Variants in SGIP1 observed in about 807,000 individuals in gnomAD.
SGIP1 encodes the protein SH3-containing GRB2-like protein 3-interacting protein 1.
A neutral mutation model predicts 107.5 loss-of-function variants in SGIP1; 38 were observed. The ratio of observed to expected loss-of-function variants is 0.35; its 90% CI spans 0.27 to 0.46. The LOEUF is 0.46. SGIP1 is among the 20% of genes least tolerant of loss of function. The pLI, the probability that SGIP1 is intolerant of heterozygous loss-of-function variation, is 1.00. For missense variants in SGIP1, 929 were observed against 1,019.5 expected, an observed-to-expected ratio of 0.91 and a Z score of 1.21; for synonymous variants, 365 against 366.1, an observed-to-expected ratio of 1.00 and a Z score of 0.03.
At chr1:66,583,582 C>A (rs930661297) in intron 1 of SGIP1, among the ~76,000 whole-genome samples, 1 of 152,072 alleles carries the variant, frequency 6.6e-6, no homozygotes, top group African/African-American at 2.4e-5. Flanking sequence ...GCCCAAATAC[C>A]CTTTCATTAG....
intron 1 of SGIP1, among the ~76,000 whole-genome samples, chr1:66,562,682 G>T (rs1400431853): frequency 6.6e-6 from 1 of 152,042 alleles, no homozygotes; most frequent in Non-Finnish European, 1.5e-5. Context: ...CTTAGATGTG[G>T]AAAACTTGCC....
At chr1:66,661,700 T>G (rs2081514801) in intron 8 of SGIP1, among the ~76,000 whole-genome samples, 1 of 152,202 alleles carries the variant, frequency 6.6e-6, no homozygotes, top group Admixed American at 6.5e-5. Context: ...CCAATTTCAT[T>G]TATTCTTGTA....
At chr1:66,714,805 C>G (rs1325154068) in intron 18 of SGIP1, among the ~76,000 whole-genome samples, 1 of 152,066 alleles carries the variant, frequency 6.6e-6, no homozygotes, top group African/African-American at 2.4e-5. Flanking sequence ...TCCAGAGTCG[C>G]TGTCTGTTAA....
intron 18 of SGIP1, among the ~76,000 whole-genome samples, chr1:66,703,876 G>GAGTGTA (rs200637279): frequency 9.4e-6 from 1 of 106,886 alleles, no homozygotes; most frequent in Admixed American, 1.1e-4. Flanking sequence ...AAAGAACTCT[G>GAGTGTA]TGTGTGTGTG....
intron 1 of SGIP1, among the ~76,000 whole-genome samples, chr1:66,552,822 C>A (rs2057618398): frequency 6.6e-6 from 1 of 152,086 alleles, no homozygotes; most frequent in Admixed American, 6.5e-5. Flanking sequence ...AGGTAATTTA[C>A]ATCAGGAAAT....
chr1:66,663,135 C>T (rs761158911), intron 8 of SGIP1, among the ~76,000 whole-genome samples: 11 of 152,234 alleles, frequency 7.2e-5, no homozygotes, highest in East Asian at 5.8e-4. Flanking sequence ...CACATTCTCA[C>T]GTGGCGCACA....
At chr1:66,622,274 A>G (rs765748998) in intron 1 of SGIP1, among the ~76,000 whole-genome samples, 2 of 152,206 alleles carry the variant, frequency 1.3e-5, no homozygotes, top group Non-Finnish European at 2.9e-5. Flanking sequence ...ACTTTAGGGA[A>G]AAATACCACC....
chr1:66,605,124 C>T (rs2149074625), intron 1 of SGIP1, among the ~76,000 whole-genome samples: 1 of 152,284 alleles, frequency 6.6e-6, no homozygotes, highest in South Asian at 2.1e-4. Context: ...AAGCCACTTC[C>T]ATGGAACAAA....
At chr1:66,645,202 A>G (rs1461435159) in intron 7 of SGIP1, among the ~76,000 whole-genome samples, 1 of 152,220 alleles carries the variant, frequency 6.6e-6, no homozygotes, top group Non-Finnish European at 1.5e-5. Flanking sequence ...CAGAGGATTA[A>G]GTGAACACAT....
At chr1:66,558,987 C>A (rs973284021) in intron 1 of SGIP1, among the ~76,000 whole-genome samples, 2 of 151,944 alleles carry the variant, frequency 1.3e-5, no homozygotes, top group Non-Finnish European at 2.9e-5. Flanking sequence ...AACTTCCATG[C>A]CCTTTATTTC....
chr1:66,621,417 A>G (rs972868548), intron 1 of SGIP1, among the ~76,000 whole-genome samples: 9 of 152,174 alleles, frequency 5.9e-5, no homozygotes, highest in African/African-American at 2.2e-4. Flanking sequence ...GGCTTGAACT[A>G]TTCCATTTCT....
intron 1 of SGIP1, among the ~76,000 whole-genome samples, chr1:66,548,197 G>A (rs962668216): frequency 6.6e-6 from 1 of 152,140 alleles, no homozygotes; most frequent in African/African-American, 2.4e-5. Context: ...GACTTTAGTA[G>A]CTACAGATGG....
At chr1:66,663,469 T>G (rs1429678613) in intron 8 of SGIP1, among the ~76,000 whole-genome samples, 1 of 152,136 alleles carries the variant, frequency 6.6e-6, no homozygotes, top group Non-Finnish European at 1.5e-5. Context: ...TGATAATAAT[T>G]TTTCTGTCCT....
intron 1 of SGIP1, among the ~76,000 whole-genome samples, chr1:66,549,697 A>T (rs186716987): frequency 5.9e-5 from 9 of 152,284 alleles, no homozygotes; most frequent in Admixed American, 1.3e-4. Context: ...CTACAAGATG[A>T]TACCAAAATG....
At chr1:66,553,972 G>A (rs972513615) in intron 1 of SGIP1, among the ~76,000 whole-genome samples, 2 of 152,112 alleles carry the variant, frequency 1.3e-5, no homozygotes, top group Non-Finnish European at 1.5e-5. Context: ...GGATGTGTCT[G>A]GACAGGCCTC....
chr1:66,559,031 G>A (rs1056013928), intron 1 of SGIP1, among the ~76,000 whole-genome samples: 1 of 152,032 alleles, frequency 6.6e-6, no homozygotes, highest in Non-Finnish European at 1.5e-5. Flanking sequence ...AGGATGCTAA[G>A]CAAACTTGAA....
chr1:66,630,920 G>GAGGA (rs1298382662), intron 2 of SGIP1, among the ~76,000 whole-genome samples: 3 of 53,526 alleles, frequency 5.6e-5, no homozygotes, highest in Middle Eastern at 8.2e-3. Flanking sequence ...GGGAGGGAGG[G>GAGGA]AGGAAGGAAG....
intron 8 of SGIP1, among the ~76,000 whole-genome samples, chr1:66,663,604 CT>C (rs1185732627): frequency 1.1e-4 from 16 of 151,964 alleles, no homozygotes; most frequent in Admixed American, 9.2e-4. Context: ...AATTATAGAC[CT>C]TGAGGCTTTC....
intron 1 of SGIP1, among the ~76,000 whole-genome samples, chr1:66,605,498 C>T (rs2066643678): frequency 6.6e-6 from 1 of 151,836 alleles, no homozygotes; most frequent in African/African-American, 2.4e-5. Context: ...AACCTGGATA[C>T]TTGAATTAAG....
Sources: gnomAD v4.1 joint callset for allele counts (sites outside exome capture counted in the v4.1 genomes callset) on GRCh38, gnomAD v4.1.1 for gene constraint, MANE v1.5 for transcripts, NCBI Gene and HGNC (gene_info 2026-07-23, HGNC 2026-07-21) for gene names.